The following CADM2 variants were observed in gnomAD, a reference collection of about 807,000 sequenced individuals.
The protein encoded by CADM2 is cell adhesion molecule 2.
Under a neutral mutation model 49.8 loss-of-function variants are expected in CADM2, and 12 were observed. That is an observed-to-expected ratio of 0.24 (90% CI 0.15 to 0.39). The LOEUF is 0.39. Ranked by LOEUF, CADM2 falls within the 10% of genes least tolerant of loss-of-function variation. The pLI, the probability that CADM2 is intolerant of heterozygous loss-of-function variation, is 1.00. For missense variants in CADM2, 378 were observed against 492.3 expected, an observed-to-expected ratio of 0.77 and a Z score of 2.20; for synonymous variants, 214 against 175.4, an observed-to-expected ratio of 1.22 and a Z score of -1.74.
chr3:85,977,474 A>C (rs1245041075), intron 8 of CADM2, among the ~76,000 whole-genome samples: 1 of 151,560 alleles, frequency 6.6e-6, no homozygotes, highest in African/African-American at 2.4e-5. Flanking sequence ...GATCCTAATC[A>C]GCAAATAATT....
intron 1 of CADM2, among the ~76,000 whole-genome samples, chr3:84,978,509 T>C (rs1417771540): frequency 6.6e-6 from 1 of 152,176 alleles, no homozygotes; most frequent in African/African-American, 2.4e-5. Flanking sequence ...TTTCACAATA[T>C]ATTATTTATT....
At position 85,421,693 on chromosome 3, in the gene CADM2, TG is replaced by T. The variant is rs563699076; in HGVS notation, c.62-304828del. On this transcript the variant is annotated intron_variant, in intron 1 of 9. Transcript: ENST00000383699. ...TGCTGATATGTACAGTACTGTGTTT[TG>T]CTTCATTTACCATATTTACTCACAT... Among the ~76,000 whole-genome samples, 244 of 152,366 alleles carry T rather than the reference TG, an allele frequency of 1.6e-3. 1 individual carries two copies. The highest frequency in any genetic ancestry group is 5.8e-3 in the African/African-American group (241 of 41,594).
At chr3:85,988,206 A>C (rs2108689599) in intron 8 of CADM2, among the ~76,000 whole-genome samples, 1 of 152,332 alleles carries the variant, frequency 6.6e-6, no homozygotes, top group Non-Finnish European at 1.5e-5. Flanking sequence ...TAATTGTAAT[A>C]TTTTAAAACA....
chr3:85,871,671 G>A (rs1333081437), intron 3 of CADM2, among the ~76,000 whole-genome samples: 2 of 152,114 alleles, frequency 1.3e-5, no homozygotes, highest in Admixed American at 6.6e-5. Context: ...TTGTCAGATA[G>A]TGCATACTCC....
chr3:85,806,735 AAAAAC>A (rs896189640), intron 3 of CADM2, among the ~76,000 whole-genome samples: 3 of 151,748 alleles, frequency 2.0e-5, no homozygotes, highest in African/African-American at 4.9e-5. Flanking sequence ...GCTCTGTCTC[AAAAAC>A]AAAACAAAAC....
At position 86,070,937 on chromosome 3, in the gene CADM2, G is replaced by T. The variant is rs921965282; in HGVS notation, c.*4154G>T. ...TCAGTGCAATATCTGCAGTTCTATT[G>T]CTGGATACTTAATGCAAAGGGATTT... On this transcript the variant is annotated 3_prime_UTR_variant, in exon 10 of 10. Transcript: ENST00000383699. 2 of 151,834 alleles carry T rather than the reference G, an allele frequency of 1.3e-5. No homozygotes were observed. The highest frequency in any genetic ancestry group is 4.8e-5 in the African/African-American group (2 of 41,396). The allele number at this position is 151,834 out of a possible 1,614,324, so 9.4% of individuals were successfully genotyped here.
intron 1 of CADM2, among the ~76,000 whole-genome samples, chr3:85,062,029 G>GTCTC (rs897469765): frequency 4.0e-5 from 6 of 151,166 alleles, no homozygotes; most frequent in Admixed American, 3.3e-4. Flanking sequence ...CTCTGTCTCT[G>GTCTC]TCTCTCTGTC....
intron 8 of CADM2, among the ~76,000 whole-genome samples, chr3:86,042,993 A>G (rs6792934): frequency 6.6e-6 from 1 of 152,154 alleles, no homozygotes; most frequent in African/African-American, 2.4e-5. Flanking sequence ...TGATTACCTC[A>G]ATAGATGCAG....
intron 1 of CADM2, among the ~76,000 whole-genome samples, chr3:85,186,716 C>T (rs892580694): frequency 6.6e-6 from 1 of 151,636 alleles, no homozygotes; most frequent in East Asian, 1.9e-4. Context: ...CAATCGGAAA[C>T]GTCTCCAGAG....
At chr3:85,520,097 A>G (rs72909246) in intron 1 of CADM2, among the ~76,000 whole-genome samples, 1 of 152,162 alleles carries the variant, frequency 6.6e-6, no homozygotes, top group East Asian at 1.9e-4. Flanking sequence ...TTTCATATGC[A>G]TAATATGCTT....
intron 1 of CADM2, among the ~76,000 whole-genome samples, chr3:85,165,778 A>C (rs2040455672): frequency 6.6e-6 from 1 of 151,876 alleles, no homozygotes; most frequent in African/African-American, 2.4e-5. Context: ...CTCAGAAAGT[A>C]AGTGATACAG....
chr3:85,308,623 C>G (rs1471797663), intron 1 of CADM2, among the ~76,000 whole-genome samples: 1 of 151,918 alleles, frequency 6.6e-6, no homozygotes, highest in Non-Finnish European at 1.5e-5. Context: ...GAGCCCTTAT[C>G]CCAATACCAC....
At chr3:85,466,184 T>G (rs1191901027) in intron 1 of CADM2, among the ~76,000 whole-genome samples, 1 of 152,218 alleles carries the variant, frequency 6.6e-6, no homozygotes, top group South Asian at 2.1e-4. Context: ...AGTTTTCTTC[T>G]GATTATGTTA....
At chr3:85,654,037 C>A (rs1439006383) in intron 1 of CADM2, among the ~76,000 whole-genome samples, 1 of 152,204 alleles carries the variant, frequency 6.6e-6, no homozygotes, top group African/African-American at 2.4e-5. Flanking sequence ...ATGGCCTTGA[C>A]AAGAGCAGTT....
intron 1 of CADM2, among the ~76,000 whole-genome samples, chr3:85,285,587 A>G (rs981926683): frequency 3.2e-4 from 49 of 152,112 alleles, no homozygotes; most frequent in African/African-American, 9.4e-4. Flanking sequence ...GCAAGTTACA[A>G]TAAGTGCAAG....
intron 1 of CADM2, among the ~76,000 whole-genome samples, chr3:85,609,783 T>C (rs968201963): frequency 3.3e-4 from 50 of 152,236 alleles, no homozygotes; most frequent in African/African-American, 1.1e-3. Flanking sequence ...TCAGCAGTGC[T>C]GGTAAAAACT....
intron 1 of CADM2, among the ~76,000 whole-genome samples, chr3:85,236,780 C>A (rs1054665730): frequency 6.6e-6 from 1 of 151,930 alleles, no homozygotes; most frequent in African/African-American, 2.4e-5. Context: ...TGAGAAAAGT[C>A]ATTGATAGGG....
intron 1 of CADM2, among the ~76,000 whole-genome samples, chr3:85,143,280 T>C: frequency 6.6e-6 from 1 of 152,104 alleles, no homozygotes; most frequent in South Asian, 2.1e-4. Context: ...CCCAGGAGTT[T>C]GAGACTAGCC....
chr3:85,883,182 A>G (rs986625805), intron 3 of CADM2, 109 bp from the exon 4 acceptor site: 32 of 764,638 alleles, frequency 4.2e-5, no homozygotes, highest in Non-Finnish European at 5.6e-5. Context: ...TAAGATTTGA[A>G]TGTATGGCCA....
Sources: gnomAD v4.1 joint callset for allele counts (sites outside exome capture counted in the v4.1 genomes callset) on GRCh38, gnomAD v4.1.1 for gene constraint, MANE v1.5 for transcripts, NCBI Gene and HGNC (gene_info 2026-07-23, HGNC 2026-07-21) for gene names.